CPLX1: variants seen among roughly 807,000 people sequenced by gnomAD.
CPLX1 encodes complexin 1.
CPLX1 carries 6 observed loss-of-function variants against 15.6 expected under a neutral mutation model. The ratio of observed to expected loss-of-function variants is 0.39; its 90% CI spans 0.21 to 0.76. CPLX1 has a LOEUF of 0.76. Among genes scored for constraint, CPLX1 ranks in the 30% least tolerant of loss-of-function variants. CPLX1 has a pLI of 0.43. For missense variants in CPLX1, 242 were observed against 188.6 expected (o/e 1.28, Z -1.66); for synonymous variants, 91 against 75.2 (o/e 1.21, Z -1.08).
chr4:816,213 A>AT (rs34183163), intron 2 of CPLX1, among the ~76,000 whole-genome samples: 18,521 of 115,048 alleles, frequency 0.16, 1,714 homozygotes, highest in East Asian at 0.18. Context: ...TCTCCGTGAA[A>AT]TTTTTTTTTT....
At chr4:803,631 C>T (rs1236065502) in intron 2 of CPLX1, among the ~76,000 whole-genome samples, 4 of 152,090 alleles carry the variant, frequency 2.6e-5, no homozygotes, top group African/African-American at 4.8e-5. Flanking sequence ...GTGATCTGCC[C>T]GCCTCGGCCT....
chr4:787,607 A>G (rs1199365390), intron 3 of CPLX1: 1 of 898,558 alleles, frequency 1.1e-6, no homozygotes, highest in Middle Eastern at 5.7e-4. Context: ...GTGGTCAAGA[A>G]ACACCAGGGA....
At chr4:804,927 G>A (rs538392189) in intron 2 of CPLX1, 9 of 930,944 alleles carry the variant, frequency 9.7e-6, no homozygotes, top group Admixed American at 6.3e-5. Flanking sequence ...GTGCGTCGCC[G>A]CGAGCACGTG....
chr4:812,586 A>T (rs186226321), intron 2 of CPLX1, among the ~76,000 whole-genome samples: 24 of 152,322 alleles, frequency 1.6e-4, no homozygotes, highest in African/African-American at 5.5e-4. Context: ...TACCGCTCGA[A>T]TCCCACCTAG....
At chr4:792,363 C>G (rs1181150018) in intron 3 of CPLX1, 70 bp downstream of exon 3, 3 of 1,393,368 alleles carry the variant, frequency 2.2e-6, no homozygotes, top group African/African-American at 3.0e-5. Context: ...CCCCTTCCAC[C>G]CAGGCGGGAT....
At chr4:787,119 G>C in intron 3 of CPLX1, 1 of 985,424 alleles carries the variant, frequency 1.0e-6, no homozygotes, top group Non-Finnish European at 1.2e-6. Context: ...CTCCTGCCCA[G>C]TGCCTGGTCC....
At chr4:818,151 G>A (rs1037951069) in intron 2 of CPLX1, among the ~76,000 whole-genome samples, 2 of 152,222 alleles carry the variant, frequency 1.3e-5, no homozygotes, top group African/African-American at 4.8e-5. Context: ...CTGCCCGAGA[G>A]GCCCCAGTGC....
intron 3 of CPLX1, among the ~76,000 whole-genome samples, chr4:789,650 G>A (rs1012187046): frequency 6.6e-6 from 1 of 152,182 alleles, no homozygotes; most frequent in African/African-American, 2.4e-5. Context: ...GGAGCACAGC[G>A]GGGCAGTCTC....
chr4:798,000 C>T (rs1746377612), intron 2 of CPLX1, among the ~76,000 whole-genome samples: 1 of 152,048 alleles, frequency 6.6e-6, no homozygotes, highest in Non-Finnish European at 1.5e-5. Context: ...ATAGGCCAGG[C>T]ACAGTGGCTC....
At chr4:823,120 C>T (rs188585718) in intron 2 of CPLX1, among the ~76,000 whole-genome samples, 70 of 152,338 alleles carry the variant, frequency 4.6e-4, no homozygotes, top group African/African-American at 1.6e-3. Context: ...CACCTCAGGG[C>T]CTGAATTAGC....
At chr4:802,738 A>G (rs1354285637) in intron 2 of CPLX1, among the ~76,000 whole-genome samples, 1 of 152,184 alleles carries the variant, frequency 6.6e-6, no homozygotes, top group Non-Finnish European at 1.5e-5. Flanking sequence ...TCAAAAGGTC[A>G]GGAGTTTGAG....
intron 2 of CPLX1, among the ~76,000 whole-genome samples, chr4:806,530 A>G (rs943603719): frequency 6.6e-6 from 1 of 152,252 alleles, no homozygotes; most frequent in African/African-American, 2.4e-5. Context: ...AATTGTAATA[A>G]AGCAAAAATT....
chr4:793,888 T>C (rs1746258745), intron 2 of CPLX1, among the ~76,000 whole-genome samples: 1 of 152,196 alleles, frequency 6.6e-6, no homozygotes. Flanking sequence ...AGATGTCAGG[T>C]GAAATTGTGG....
intron 2 of CPLX1, among the ~76,000 whole-genome samples, chr4:823,336 G>T (rs1004862391): frequency 1.3e-5 from 2 of 152,142 alleles, no homozygotes; most frequent in South Asian, 4.1e-4. Flanking sequence ...TTTGTGTTGA[G>T]TGGAAGCACA....
chr4:820,614 C>A (rs1746842438), intron 2 of CPLX1, among the ~76,000 whole-genome samples: 1 of 152,130 alleles, frequency 6.6e-6, no homozygotes, highest in Non-Finnish European at 1.5e-5. Flanking sequence ...CCCTCCATCC[C>A]CGTGGAGGGC....
At chr4:809,781 G>A (rs1746628313) in intron 2 of CPLX1, among the ~76,000 whole-genome samples, 1 of 148,708 alleles carries the variant, frequency 6.7e-6, no homozygotes, top group African/African-American at 2.4e-5. Flanking sequence ...TCCAGCCACT[G>A]ACCTACTTCC....
intron 2 of CPLX1, among the ~76,000 whole-genome samples, chr4:799,721 G>C (rs1746414642): frequency 1.3e-5 from 2 of 152,142 alleles, no homozygotes; most frequent in South Asian, 4.1e-4. Flanking sequence ...AAATTATCCA[G>C]GCATGGTGGC....
intron 2 of CPLX1, among the ~76,000 whole-genome samples, chr4:821,684 G>C (rs1043882571): frequency 1.3e-5 from 2 of 151,890 alleles, no homozygotes; most frequent in African/African-American, 2.4e-5. Flanking sequence ...CACGTGTTGT[G>C]GGGGGAGGCC....
chr4:793,095 CG>C (rs1229870711), intron 2 of CPLX1, among the ~76,000 whole-genome samples: 1 of 152,182 alleles, frequency 6.6e-6, no homozygotes, highest in East Asian at 1.9e-4. Context: ...TGTGGTTGCG[CG>C]TGCAGTTGTG....
Sources: allele counts gnomAD v4.1 joint callset (sites outside exome capture counted in the v4.1 genomes callset), GRCh38; gene constraint gnomAD v4.1.1; transcripts MANE v1.5; gene names NCBI Gene and HGNC (gene_info 2026-07-23, HGNC 2026-07-21).